SLC28A1: variants seen among roughly 807,000 people sequenced by gnomAD.
SLC28A1 encodes the protein sodium/nucleoside cotransporter 1.
In SLC28A1, 64 loss-of-function variants were observed where a neutral mutation model predicts 74.8. The observed-to-expected ratio is 0.86, with a 90% CI of 0.70 to 1.05. The LOEUF is 1.05. SLC28A1 is among the 50% of genes least tolerant of loss of function. The pLI, the probability that SLC28A1 is intolerant of heterozygous loss-of-function variation, is 0.00. For missense variants in SLC28A1, 828 were observed against 822.8 expected (o/e 1.01, Z -0.08); for synonymous variants, 359 against 335.0 (o/e 1.07, Z -0.78).
the SLC28A1 span, among the ~76,000 whole-genome samples, chr15:84,966,555 A>G: frequency 3.9e-5 from 6 of 152,030 alleles, no homozygotes; most frequent in African/African-American, 1.4e-4. Context: ...GTCTGTTTTC[A>G]TGCTGCTGCT....
intron 17 of SLC28A1, 23 bp from the exon 18 acceptor site, chr15:84,944,733 C>T (rs746789897): frequency 6.8e-7 from 1 of 1,469,024 alleles, no homozygotes; most frequent in Non-Finnish European, 9.5e-7. Context: ...GGCCCTGCCC[C>T]ACCCACCACT....
chr15:84,975,182 T>G, the SLC28A1 span, among the ~76,000 whole-genome samples: 231 of 152,352 alleles, frequency 1.5e-3, no homozygotes, highest in African/African-American at 5.3e-3. Flanking sequence ...TGATTTTTGT[T>G]ATTTTATTTC....
rs781598995 is a variant in SLC28A1 at position 84,908,739 on chromosome 15, G to A, written c.739G>A (p.Ala247Thr). The A allele has an allele frequency of 6.2e-7, 1 of 1,613,746 alleles. No homozygotes were observed. The highest frequency in any genetic ancestry group is 8.5e-7 in the Non-Finnish European group (1 of 1,179,986). The change falls in exon 9 of 19, where the codon GCT (alanine) becomes ACT (threonine). Residue 247 changes from alanine to threonine, a missense_variant. By Grantham distance (58) the Ala-to-Thr change is moderately conservative. Transcript: ENST00000394573. ...TCAGATCTTCCTGAGCTACACGAAGGCTGGCTCCAGCTTCGTGTTTGGGGA... is the reference window on the plus strand; with the variant it reads ...TCAGATCTTCCTGAGCTACACGAAGACTGGCTCCAGCTTCGTGTTTGGGGA... ...QIRIFLSYTK[A>T]GSSFVFGEAL...
chr15:84,973,677 A>G, the SLC28A1 span, among the ~76,000 whole-genome samples: 16 of 152,318 alleles, frequency 1.1e-4, no homozygotes, highest in East Asian at 2.7e-3. Context: ...CCTGTACATC[A>G]CAGCACTCAT....
At chr15:84,912,863 CA>C (rs1968554292) in intron 9 of SLC28A1, among the ~76,000 whole-genome samples, 1 of 145,840 alleles carries the variant, frequency 6.9e-6, no homozygotes, top group Non-Finnish European at 1.5e-5. Context: ...AAATAAGGAC[CA>C]AAAGGTATCA....
downstream of SLC28A1, among the ~76,000 whole-genome samples, chr15:84,947,985 A>T (rs559528137): frequency 6.8e-6 from 1 of 147,864 alleles, no homozygotes; most frequent in East Asian, 2.1e-4. Flanking sequence ...TTTATTTTTT[A>T]AATGGCATGG....
intron 12 of SLC28A1, among the ~76,000 whole-genome samples, chr15:84,926,364 A>ATTT (rs35383548): frequency 6.1e-5 from 8 of 130,342 alleles, no homozygotes; most frequent in African/African-American, 2.0e-4. Context: ...ACCCCTGGCT[A>ATTT]TTTTTTTTTT....
rs151313330 is a variant in SLC28A1 at position 84,887,903 on chromosome 15, G to A, written c.96+47G>A. 1.7e-3 allele frequency: 2,467 copies of A among 1,425,412 alleles called. 7 individuals carry two copies. The highest frequency in any genetic ancestry group is 1.8e-3 in the Non-Finnish European group (1,842 of 1,008,194). 88.3% of individuals were successfully genotyped at this position (1,425,412 alleles called of 1,614,324 possible). A position where few individuals can be genotyped will look rare whatever the true frequency, so the allele number is the denominator to read the frequency against. Reference sequence around the variant, plus strand: ...TCATCCTGACCCCTCAGCCTCTTTGGCTTGAGCCCGGCTGCCGAGGTGATG... The same window carrying A: ...TCATCCTGACCCCTCAGCCTCTTTGACTTGAGCCCGGCTGCCGAGGTGATG... On this transcript the variant is annotated intron_variant, in intron 3 of 18. Coordinates refer to ENST00000394573, the MANE Select transcript of SLC28A1 (RefSeq NM_004213.5).
the SLC28A1 span, among the ~76,000 whole-genome samples, chr15:84,955,029 C>T: frequency 4.3e-3 from 652 of 152,292 alleles, 3 homozygotes; most frequent in African/African-American, 0.015. Flanking sequence ...AAGAGTTCTC[C>T]CTGCTCTGTG....
downstream of SLC28A1, among the ~76,000 whole-genome samples, chr15:84,946,083 TTC>T (rs755652656): frequency 0.13 from 4,425 of 33,670 alleles, 424 homozygotes; most frequent in Middle Eastern, 0.27. Flanking sequence ...TGTGTGTATG[TTC>T]ATATATATAT....
intron 15 of SLC28A1, among the ~76,000 whole-genome samples, chr15:84,940,268 A>G (rs1470408607): frequency 1.3e-5 from 2 of 152,208 alleles, no homozygotes; most frequent in East Asian, 3.8e-4. Context: ...TTTCCATGCC[A>G]ATTTATAACC....
At chr15:84,923,851 G>A (rs1405959971) in intron 11 of SLC28A1, 134 bp from the exon 12 acceptor site, 3 of 1,175,408 alleles carry the variant, frequency 2.6e-6, no homozygotes, top group Non-Finnish European at 3.7e-6. Flanking sequence ...GCTCAGCCAA[G>A]TACAGACCCT....
Position 84,887,795 on chromosome 15 carries a change from T to C in SLC28A1, c.35T>C (p.Ile12Thr). 1.2e-6 allele frequency: 2 copies of C among 1,614,024 alleles called. No homozygotes were observed. Among genetic ancestry groups the C allele is most frequent in the Non-Finnish European group, 1.7e-6 (2 of 1,179,902 alleles). Residue 12 changes from isoleucine to threonine, a missense_variant, in exon 3 of 19, where the codon ATC becomes ACC. Transcript: ENST00000394573. ...ENDPSRRRES[I>T]SLTPVAKGLE... Reference sequence around the variant, plus strand: ...GACCCCTCGAGACGAAGAGAGTCCATCTCTCTCACACCTGTGGCCAAGGGT... The same window carrying C: ...GACCCCTCGAGACGAAGAGAGTCCACCTCTCTCACACCTGTGGCCAAGGGT...
intron 11 of SLC28A1, 84 bp from the exon 12 acceptor site, chr15:84,923,901 C>T (rs1415311374): frequency 2.5e-6 from 4 of 1,593,518 alleles, no homozygotes; most frequent in African/African-American, 1.3e-5. Context: ...CGTGGGACTC[C>T]CAGCTGCTCA....
downstream of SLC28A1, among the ~76,000 whole-genome samples, chr15:84,946,084 TCATATATA>T (rs1305273103): frequency 7.3e-4 from 20 of 27,550 alleles, 2 homozygotes; most frequent in African/African-American, 3.1e-3. Flanking sequence ...GTGTGTATGT[TCATATATA>T]TATATATATA....
chr15:84,908,688 GT>G, intron 8 of SLC28A1, 29 bp from the exon 9 acceptor site: 1 of 1,601,058 alleles, frequency 6.2e-7, no homozygotes. Flanking sequence ...CTCACTGCCT[GT>G]TTTTGTTTGT....
At chr15:84,944,922 C>G in intron 18 of SLC28A1, 55 bp downstream of exon 18, 3 of 1,321,204 alleles carry the variant, frequency 2.3e-6, no homozygotes, top group Non-Finnish European at 3.3e-6. Context: ...GACAGAATGC[C>G]TGAGCGCTGG....
At chr15:84,933,535 G>A (rs1971549850) in intron 13 of SLC28A1, among the ~76,000 whole-genome samples, 2 of 152,186 alleles carry the variant, frequency 1.3e-5, no homozygotes, top group African/African-American at 4.8e-5. Flanking sequence ...CCAAGGTCGA[G>A]GGGTTGTATC....
At chr15:84,902,266 G>A (rs1966756985) in intron 6 of SLC28A1, among the ~76,000 whole-genome samples, 1 of 152,092 alleles carries the variant, frequency 6.6e-6, no homozygotes, top group South Asian at 2.1e-4. Context: ...GATCACTTGA[G>A]GTCAGAAATT....
Sources: gnomAD v4.1 joint callset for allele counts (sites outside exome capture counted in the v4.1 genomes callset) on GRCh38, gnomAD v4.1.1 for gene constraint, MANE v1.5 for transcripts, NCBI Gene and HGNC (gene_info 2026-07-23, HGNC 2026-07-21) for gene names.